The following SIGLEC8 variants were observed in gnomAD, a reference collection of about 807,000 sequenced individuals.
SIGLEC8 encodes the protein sialic acid binding Ig like lectin 8.
Under a neutral mutation model 42.1 loss-of-function variants are expected in SIGLEC8, and 32 were observed. The observed-to-expected ratio is 0.76, with a 90% confidence interval of 0.57 to 1.02. SIGLEC8 has a LOEUF of 1.02. Ranked by LOEUF, SIGLEC8 falls within the 50% of genes least tolerant of loss-of-function variation. SIGLEC8 has a pLI of 0.00. For missense variants in SIGLEC8, 611 were observed against 610.2 expected (o/e 1.00, Z -0.01); for synonymous variants, 262 against 260.3 (o/e 1.01, Z -0.06).
In SIGLEC8 at chr19:51,457,696, C is replaced by G; in HGVS notation, c.498G>C (p.Glu166Asp). ...AGGTCAGGTTCCTGGAGTGGCCAGACTCTAGGGTCCCTAGGATGAGGATGT... is the reference window on the plus strand; with the variant it reads ...AGGTCAGGTTCCTGGAGTGGCCAGAGTCTAGGGTCCCTAGGATGAGGATGT... ...RPDILILGTL[E>D]SGHSRNLTCS... is the part of the protein sequence containing the mutation. Residue 166 changes from glutamate (E) to aspartate (D), a missense_variant, in exon 2 of 7, where the codon GAG (glutamate) becomes GAC (aspartate). Physicochemically the swap from Glu to Asp is conservative, Grantham distance 45. Coordinates refer to ENST00000321424, the MANE Select transcript of SIGLEC8 (RefSeq NM_014442.3). 2 of 1,601,130 alleles carry G rather than the reference C, an allele frequency of 1.2e-6. No individual in the cohort carries two copies. The highest frequency in any genetic ancestry group is 1.7e-6 in the Non-Finnish European group (2 of 1,174,232).
chr19:51,456,030 A>T (rs1206279756), intron 3 of SIGLEC8, among the ~76,000 whole-genome samples: 1 of 142,282 alleles, frequency 7.0e-6, no homozygotes, highest in East Asian at 2.3e-4. Flanking sequence ...AACAATGAGA[A>T]CACATGGACA....
At position 51,452,255 on chromosome 19, in the gene SIGLEC8, G is replaced by A. The variant is rs1047387547; in HGVS notation, c.*124C>T. ...GGTGGGTAGTAGAAGCTAGAGGCAG[G>A]GATGGGTCCCTGGTAGCCGGGGAAA... is the stretch of plus-strand genomic sequence containing the variant. On this transcript the variant is annotated 3_prime_UTR_variant, in exon 7 of 7. Transcript: ENST00000321424. 46 of 748,132 alleles carry A rather than the reference G, an allele frequency of 6.1e-5. 1 individual carries two copies. Among genetic ancestry groups the A allele is most frequent in the Admixed American group, 3.6e-4 (13 of 35,760 alleles). 46.3% of individuals were successfully genotyped at this position (748,132 alleles called of 1,614,324 possible).
Position 51,457,937 on chromosome 19 carries a change from TCACAAA to T in SIGLEC8, c.445_450del (p.Phe149_Val150del), listed in dbSNP as rs1989537598. 1.9e-6 allele frequency: 3 copies of T among 1,613,998 alleles called. No individual in the cohort carries two copies. The highest frequency in any genetic ancestry group is 1.3e-5 in the African/African-American group (1 of 75,032). On this transcript the variant is annotated inframe_deletion, in exon 1 of 7. Transcript: ENST00000321424. ...TGTGCTGGAGCCCGTGCCTTACCTG[TCACAAA>T]CACAGACAGCTGCTTAGTTTTGTAA...
At chr19:51,455,317 C>A in intron 4 of SIGLEC8, 101 bp downstream of exon 4, 1 of 1,459,824 alleles carries the variant, frequency 6.9e-7, no homozygotes, top group South Asian at 1.3e-5. Flanking sequence ...CACAGCTGAG[C>A]ACAGACCAGA....
chr19:51,453,652 C>T, intron 6 of SIGLEC8: 1 of 714,192 alleles, frequency 1.4e-6, no homozygotes, highest in Non-Finnish European at 1.7e-6. Flanking sequence ...CCGAGATTGC[C>T]CCACTGCACT....
Position 51,453,472 on chromosome 19 carries a change from C to T in SIGLEC8, c.1245+747G>A, listed in dbSNP as rs189307753. On this transcript the variant is annotated intron_variant, in intron 6 of 6. Transcript: ENST00000321424. The stretch of plus-strand genomic sequence containing the variant: ...TAACACTTTGGGAGGCTGAGGCGGG[C>T]GGATCACGAGGTCAGGAGTTCGAGA... The T allele has an allele frequency of 3.0e-4, 243 of 816,278 alleles. 2 individuals are homozygous for T. In the East Asian group the frequency reaches 0.021, roughly 69 times the overall value. 50.6% of individuals were successfully genotyped at this position (816,278 alleles called of 1,614,324 possible).
intron 1 of SIGLEC8, 83 bp from the exon 2 acceptor site, chr19:51,457,822 C>G (rs982042653): frequency 6.5e-7 from 1 of 1,547,782 alleles, no homozygotes; most frequent in African/African-American, 1.4e-5. Flanking sequence ...TCCAGCTCCT[C>G]CCCGGAGACC....
chr19:51,452,786 A>C (rs1164897505), intron 6 of SIGLEC8, among the ~76,000 whole-genome samples, 153 bp from the exon 7 acceptor site: 1 of 152,048 alleles, frequency 6.6e-6, no homozygotes, highest in Non-Finnish European at 1.5e-5. Context: ...AACATTTAAC[A>C]CTTACTGAGC....
At position 51,457,673 on chromosome 19, in the gene SIGLEC8, G is replaced by T. The variant is rs758703704; in HGVS notation, c.521C>A (p.Thr174Asn). 10 of 1,609,556 alleles carry T rather than the reference G, an allele frequency of 6.2e-6. No homozygotes were observed. In the East Asian group the frequency reaches 8.9e-5, roughly 14 times the overall value. Reference protein sequence around the residue: ...TLESGHSRNLTCSVPWACKQG... With the variant: ...TLESGHSRNLNCSVPWACKQG... ...CTTACAGGCCCAGGGCACAGAGCAG[G>T]TCAGGTTCCTGGAGTGGCCAGACTC... The change falls in exon 2 of 7, where the codon ACC (threonine) becomes AAC (asparagine). Residue 174 changes from threonine (T) to asparagine (N), a missense_variant. By Grantham distance (65) the Thr-to-Asn change is moderately conservative. Coordinates refer to ENST00000321424, the MANE Select transcript of SIGLEC8 (RefSeq NM_014442.3).
Position 51,455,717 on chromosome 19 carries a change from A to G in SIGLEC8, c.782-30T>C, listed in dbSNP as rs143905614. On this transcript the variant is annotated intron_variant, in intron 3 of 6. Coordinates refer to ENST00000321424, the MANE Select transcript of SIGLEC8 (RefSeq NM_014442.3). ...AGAGAAAGAGACAGAGGGTCATCCC[A>G]TTACTGGGTATATACCCAAAGGATT... 2.5e-3 allele frequency: 4,024 copies of G among 1,580,450 alleles called. 15 individuals carry two copies. Among genetic ancestry groups the G allele is most frequent in the Non-Finnish European group, 2.9e-3 (3,349 of 1,155,708 alleles).
chr19:51,457,246 C>A lies in SIGLEC8; in HGVS notation c.734-15G>T, dbSNP rs1225246421. 1.2e-6 allele frequency: 2 copies of A among 1,611,090 alleles called. No individual in the cohort carries two copies. The highest frequency in any genetic ancestry group is 1.7e-6 in the Non-Finnish European group (2 of 1,178,108). On this transcript the variant is annotated splice_polypyrimidine_tract_variant and intron_variant, in intron 2 of 6. Coordinates refer to ENST00000321424, the MANE Select transcript of SIGLEC8 (RefSeq NM_014442.3). ...CCAAGGAGGGTCTGGGACAGAAAGA[C>A]ATGAAGACCCACATTACTATAAGGA...
At position 51,451,446 on chromosome 19, in the gene SIGLEC8, G is replaced by A. The variant is rs1989362968; in HGVS notation, c.*933C>T. On this transcript the variant is annotated 3_prime_UTR_variant, in exon 7 of 7. Transcript: ENST00000321424. ...CACCTGTCTTGTTCCTGAGACTCTA[G>A]GCCATTGCTGCTCCCTCTTTTGTAA... The A allele has an allele frequency of 6.6e-6, 1 of 152,180 alleles. No homozygotes were observed. 9.4% of individuals were successfully genotyped at this position (152,180 alleles called of 1,614,324 possible).
At position 51,454,792 on chromosome 19, in the gene SIGLEC8, T is replaced by C. The variant is rs553463354; in HGVS notation, c.1052-12A>G. 1.1e-4 allele frequency: 174 copies of C among 1,605,040 alleles called. No individual in the cohort carries two copies. Among genetic ancestry groups the C allele is most frequent in the Non-Finnish European group, 1.3e-4 (155 of 1,172,072 alleles). On this transcript the variant is annotated splice_polypyrimidine_tract_variant and intron_variant, in intron 4 of 6. Coordinates refer to ENST00000321424, the MANE Select transcript of SIGLEC8 (RefSeq NM_014442.3). The surrounding 1 kb of genome is among the most constrained non-coding windows in gnomAD (Gnocchi z 4.7). ...AGGTCTTGAGGTGCCTGCAGATGGA[T>C]TGGAGTTGCTTTGGGGATTTATATC... is the stretch of plus-strand genomic sequence containing the variant.
chr19:51,454,162 A>C lies in SIGLEC8; in HGVS notation c.1245+57T>G. On this transcript the variant is annotated intron_variant, in intron 6 of 6. Transcript: ENST00000321424. This position sits in a 1 kb window ranked among gnomAD's most constrained non-coding sequence, Gnocchi z 4.7. ...ACCAAAGAGAGCGATCCTGGGGGCC[A>C]TCCTGTCAGAGGTGTCCAGGCTGGA... 1 of 1,609,228 alleles carries C rather than the reference A, an allele frequency of 6.2e-7. No individual in the cohort carries two copies. Among genetic ancestry groups the C allele is most frequent in the Non-Finnish European group, 8.5e-7 (1 of 1,177,320 alleles).
At chr19:51,456,752 A>T (rs973352828) in intron 3 of SIGLEC8, among the ~76,000 whole-genome samples, 13 of 152,210 alleles carry the variant, frequency 8.5e-5, no homozygotes, top group African/African-American at 2.9e-4. Flanking sequence ...TTTGCTGTGC[A>T]TTTTGAATTT....
intron 3 of SIGLEC8, 31 bp from the exon 4 acceptor site, chr19:51,455,718 T>C (rs368724289): frequency 2.7e-5 from 42 of 1,581,442 alleles, no homozygotes; most frequent in Non-Finnish European, 3.5e-5. Context: ...GGTCATCCCA[T>C]TACTGGGTAT....
Position 51,458,184 on chromosome 19 carries a change from C to T in SIGLEC8, c.204G>A (p.Arg68=), listed in dbSNP as rs1377115383. The change falls in exon 1 of 7, where the codon CGG becomes CGA. Residue 68 remains arginine (R), a synonymous_variant. Transcript: ENST00000321424. ...DSDPVHGYWF[R]AGDRPYQDAP... ...CGTCTTGGTATGGTCTGTCTCCTGCCCGGAACCAGTAGCCATGAACTGGGT... is the reference window on the plus strand; with the variant it reads ...CGTCTTGGTATGGTCTGTCTCCTGCTCGGAACCAGTAGCCATGAACTGGGT... 6.2e-7 allele frequency: 1 copy of T among 1,614,036 alleles called. No individual in the cohort carries two copies. Among genetic ancestry groups the T allele is most frequent in the Non-Finnish European group, 8.5e-7 (1 of 1,180,010 alleles).
chr19:51,452,555 C>T lies in SIGLEC8; in HGVS notation c.1324G>A (p.Glu442Lys). Residue 442 changes from glutamate to lysine, a missense_variant, in exon 7 of 7, where the codon GAA (glutamate) becomes AAA (lysine). Coordinates refer to ENST00000321424, the MANE Select transcript of SIGLEC8 (RefSeq NM_014442.3). ...AGGGTTGCATAATGGAGCTCTCCTT[C>T]CTCCCCTGACGAGGGGGCAACAGCT... ...PPAVAPSSGE[E>K]GELHYATLSF... 1 of 1,590,612 alleles carries T rather than the reference C, an allele frequency of 6.3e-7. No homozygotes were observed. The highest frequency in any genetic ancestry group is 1.1e-5 in the South Asian group (1 of 90,122).
chr19:51,457,393 C>T, intron 2 of SIGLEC8, 68 bp downstream of exon 2: 3 of 1,584,938 alleles, frequency 1.9e-6, no homozygotes, highest in Admixed American at 3.4e-5. Flanking sequence ...AGGCTTGAAC[C>T]CCATCCCCTG....
Sources: gnomAD v4.1 joint callset for allele counts (sites outside exome capture counted in the v4.1 genomes callset) on GRCh38, gnomAD v4.1.1 for gene constraint, Gnocchi (gnomAD v3.1) non-coding constraint, MANE v1.5 for transcripts, NCBI Gene and HGNC (gene_info 2026-07-23, HGNC 2026-07-21) for gene names.